Variants in PAIP1 observed in about 807,000 individuals in gnomAD.
PAIP1 encodes the protein poly(A) binding protein interacting protein 1, also known as polyadenylate-binding protein-interacting protein 1.
Under a neutral mutation model 61.3 loss-of-function variants are expected in PAIP1, and 16 were observed. The ratio of observed to expected loss-of-function variants is 0.26; its 90% CI spans 0.18 to 0.40. The LOEUF (loss-of-function observed/expected upper bound fraction) is 0.40. Among genes scored for constraint, PAIP1 ranks in the 10% least tolerant of loss-of-function variants. The pLI, the probability that PAIP1 is intolerant of heterozygous loss-of-function variation, is 1.00. For synonymous variants in PAIP1, 187 were observed against 226.2 expected, an observed-to-expected ratio of 0.83 and a Z score of 1.56; for missense variants, 416 against 600.9, an observed-to-expected ratio of 0.69 and a Z score of 3.22.
At chr5:43,546,821 T>A (rs1747653249) in intron 3 of PAIP1, among the ~76,000 whole-genome samples, 1 of 151,950 alleles carries the variant, frequency 6.6e-6, no homozygotes, top group African/African-American at 2.4e-5. Flanking sequence ...GGCAAGCAGA[T>A]CACTTGCGGT....
chr5:43,532,390 T>C (rs961293481), intron 9 of PAIP1, among the ~76,000 whole-genome samples: 13 of 152,058 alleles, frequency 8.5e-5, no homozygotes, highest in Non-Finnish European at 1.5e-4. Flanking sequence ...AAGAGTTACA[T>C]AGTATACAAC....
intron 3 of PAIP1, 137 bp downstream of exon 3, chr5:43,547,591 C>T: frequency 3.3e-6 from 2 of 615,040 alleles, no homozygotes. Flanking sequence ...ACAAGACAGA[C>T]TTAGAACTCC....
At chr5:43,528,327 C>CAAT (rs1561226555) in intron 10 of PAIP1, among the ~76,000 whole-genome samples, 2 of 152,122 alleles carry the variant, frequency 1.3e-5, no homozygotes, top group African/African-American at 4.8e-5. Context: ...CCCACCCCTC[C>CAAT]AATAATCCAA....
At position 43,528,741 on chromosome 5, in the gene PAIP1, T is replaced by TA. The variant is rs929190934; in HGVS notation, c.1346+1044dup. 1.5e-3 allele frequency among the ~76,000 whole-genome samples: 225 copies of TA among 149,998 alleles called. 4 individuals are homozygous for TA. Among genetic ancestry groups the TA allele is most frequent in the East Asian group, 1.6e-3 (8 of 5,130 alleles). On this transcript the variant is annotated intron_variant, in intron 10 of 10. Coordinates refer to ENST00000306846, the MANE Select transcript of PAIP1 (RefSeq NM_006451.5). ...AAAAAATCTACAACACAGGAGATAT[T>TA]AAAAAAAAAATAAGTTCAAGATATA...
At chr5:43,551,913 C>T (rs1747882229) in intron 2 of PAIP1, among the ~76,000 whole-genome samples, 1 of 152,128 alleles carries the variant, frequency 6.6e-6, no homozygotes, top group South Asian at 2.1e-4. Flanking sequence ...CAGACAGGCA[C>T]TCCAACGTGT....
intron 4 of PAIP1, among the ~76,000 whole-genome samples, chr5:43,539,452 TACACACAC>T (rs34509892): frequency 0.018 from 2,733 of 148,650 alleles, 63 homozygotes; most frequent in East Asian, 0.12. Context: ...GATCTTTAAA[TACACACAC>T]ACACACACAC....
chr5:43,549,669 C>G (rs1342981278), intron 2 of PAIP1, among the ~76,000 whole-genome samples: 1 of 152,134 alleles, frequency 6.6e-6, no homozygotes, highest in African/African-American at 2.4e-5. Context: ...GCTACCACTT[C>G]AAATAACCAT....
chr5:43,536,155 T>C (rs1052572132), intron 6 of PAIP1, among the ~76,000 whole-genome samples: 3 of 152,164 alleles, frequency 2.0e-5, no homozygotes, highest in East Asian at 3.8e-4. Flanking sequence ...TATAAGGATG[T>C]AGGAAGAGAT....
chr5:43,528,013 C>G (rs2112369741), intron 10 of PAIP1, among the ~76,000 whole-genome samples: 1 of 152,282 alleles, frequency 6.6e-6, no homozygotes, highest in South Asian at 2.1e-4. Flanking sequence ...TTGAGATCAT[C>G]TATTCCAGAT....
rs116387322 is a variant in PAIP1, at chr5:43,556,912, G to A, written c.-66C>T. ...CTGCGCTCGCGATAGGACGCGGGGG[G>A]AAGGCGCCGCGGGTCGGCTATAGCC... On this transcript the variant is annotated 5_prime_UTR_variant, in exon 1 of 11. Coordinates refer to ENST00000306846, the MANE Select transcript of PAIP1 (RefSeq NM_006451.5). 0.027 allele frequency: 36,140 copies of A among 1,321,198 alleles called. 819 individuals carry two copies. Among genetic ancestry groups the A allele is most frequent in the African/African-American group, 0.11 (6,992 of 64,664 alleles). The allele number at this position is 1,321,198 out of a possible 1,614,324, so 81.8% of individuals were successfully genotyped here. A position where few individuals can be genotyped will look rare whatever the true frequency, so the allele number is the denominator to read the frequency against.
intron 2 of PAIP1, among the ~76,000 whole-genome samples, chr5:43,552,601 G>C (rs1747906706): frequency 6.6e-6 from 1 of 152,174 alleles, no homozygotes; most frequent in Non-Finnish European, 1.5e-5. Flanking sequence ...TAGGGGAGAA[G>C]AGATGCTCAT....
rs1268748975 is a variant in PAIP1, at chr5:43,556,925, G to A, written c.-79C>T. On this transcript the variant is annotated 5_prime_UTR_variant, in exon 1 of 11. Coordinates refer to ENST00000306846, the MANE Select transcript of PAIP1 (RefSeq NM_006451.5). ...AGGACGCGGGGGGAAGGCGCCGCGG[G>A]TCGGCTATAGCCGCCGCGCCTCACT... is the stretch of plus-strand genomic sequence containing the variant. The A allele has an allele frequency of 8.4e-6, 11 of 1,312,596 alleles. No homozygotes were observed. The highest frequency in any genetic ancestry group is 1.1e-5 in the Non-Finnish European group (11 of 1,033,442). 81.3% of individuals were successfully genotyped at this position (1,312,596 alleles called of 1,614,324 possible).
chr5:43,553,298 TG>T (rs1387887890), intron 2 of PAIP1, among the ~76,000 whole-genome samples: 1 of 152,212 alleles, frequency 6.6e-6, no homozygotes, highest in Non-Finnish European at 1.5e-5. Context: ...TAAAAGGGCT[TG>T]GTGCCTTGAA....
At chr5:43,551,942 T>TAC (rs1340849820) in intron 2 of PAIP1, among the ~76,000 whole-genome samples, 1 of 152,196 alleles carries the variant, frequency 6.6e-6, no homozygotes, top group African/African-American at 2.4e-5. Context: ...AAGCCTGCAT[T>TAC]ACTTCTCTAG....
At chr5:43,554,210 C>G (rs980041845) in intron 2 of PAIP1, among the ~76,000 whole-genome samples, 2 of 152,326 alleles carry the variant, frequency 1.3e-5, no homozygotes, top group Admixed American at 6.5e-5. Flanking sequence ...TTATTACATA[C>G]ACAAACACAC....
chr5:43,536,030 G>C (rs1247214800), intron 6 of PAIP1, among the ~76,000 whole-genome samples: 1 of 148,654 alleles, frequency 6.7e-6, no homozygotes, highest in Non-Finnish European at 1.5e-5. Context: ...AAATAAATCA[G>C]TTAAGGATTT....
intron 4 of PAIP1, among the ~76,000 whole-genome samples, chr5:43,542,279 T>C (rs1160354337): frequency 6.6e-6 from 1 of 151,680 alleles, no homozygotes; most frequent in Non-Finnish European, 1.5e-5. Flanking sequence ...ATGCCTGTAA[T>C]CCCAGCACTT....
chr5:43,547,964 C>T (rs377540083), intron 2 of PAIP1, 51 bp from the exon 3 acceptor site: 5 of 1,189,826 alleles, frequency 4.2e-6, no homozygotes, highest in Non-Finnish European at 6.1e-6. Flanking sequence ...CTGGCTAAAA[C>T]ACACAAGGTG....
At chr5:43,552,891 G>C (rs1037027018) in intron 2 of PAIP1, among the ~76,000 whole-genome samples, 4 of 152,036 alleles carry the variant, frequency 2.6e-5, no homozygotes, top group African/African-American at 9.7e-5. Flanking sequence ...TTTAAAAATC[G>C]GAAGAACATC....
Sources: allele counts gnomAD v4.1 joint callset (sites outside exome capture counted in the v4.1 genomes callset), GRCh38; gene constraint gnomAD v4.1.1; transcripts MANE v1.5; gene names NCBI Gene and HGNC (gene_info 2026-07-23, HGNC 2026-07-21).